Variants in DMD observed in about 807,000 individuals in gnomAD.
DMD encodes the protein mutant dystrophin.
DMD carries 63 observed loss-of-function variants against 330.1 expected under a neutral mutation model. The observed-to-expected ratio is 0.19, with a 90% CI of 0.16 to 0.24. DMD has a LOEUF of 0.24. Among genes scored for constraint, DMD ranks in the 10% least tolerant of loss-of-function variants. DMD has a pLI of 1.00. For missense variants in DMD, 3,344 were observed against 2,684.1 expected (o/e 1.25, Z -5.43); for synonymous variants, 1,223 against 959.8 (o/e 1.27, Z -5.07).
chrX:32,919,662 C>T (rs1198978364), intron 2 of DMD, among the ~76,000 whole-genome samples: 1 of 111,682 alleles, frequency 9.0e-6, no homozygotes, highest in African/African-American at 3.2e-5. Context: ...ATCTACATTC[C>T]AATTCCTATT....
intron 44 of DMD, among the ~76,000 whole-genome samples, chrX:31,999,432 G>A (rs2095610754): frequency 8.9e-6 from 1 of 111,851 alleles, no homozygotes; most frequent in Admixed American, 9.5e-5. Flanking sequence ...TTTAGTTTTA[G>A]CCTTTTGAGT....
At chrX:32,286,800 C>T (rs568456066) in intron 43 of DMD, among the ~76,000 whole-genome samples, 13 of 111,334 alleles carry the variant, frequency 1.2e-4, no homozygotes, top group East Asian at 8.5e-4. Flanking sequence ...AATTATTAGA[C>T]GAATGATTTG....
rs899851642 is a variant in DMD, at chrX:31,478,337, C to T, written c.8706G>A (p.Arg2902=). Residue 2902 remains arginine (R), a synonymous_variant, in exon 59 of 79, where the codon CGG becomes CGA. Coordinates refer to ENST00000357033, the MANE Select transcript of DMD (RefSeq NM_004006.3). ...CCTCCTCAGCCTGCTTTCGTAGAAG[C>T]CGAGTGACATTCTGGGCTCTCTCCT... ...PPEERAQNVT[R]LLRKQAEEVN... The T allele has an allele frequency of 2.1e-5, 26 of 1,209,643 alleles. 1 individual carries two copies. In the Admixed American group the frequency reaches 4.6e-4, roughly 21 times the overall value.
At chrX:31,189,619 C>T (rs1010528084) in intron 67 of DMD, among the ~76,000 whole-genome samples, 1 of 111,665 alleles carries the variant, frequency 9.0e-6, no homozygotes, top group East Asian at 2.8e-4. Context: ...CAATACAGAA[C>T]GATACCTCCT....
rs1381976342 is a variant in DMD at position 31,120,884 on chromosome X, T to TCAATCAAC, written c.*1034_*1035insGTTGATTG. 21 of 105,383 alleles carry TCAATCAAC rather than the reference T, an allele frequency of 2.0e-4. No individual in the cohort carries two copies. Among genetic ancestry groups the TCAATCAAC allele is most frequent in the Admixed American group, 8.8e-4 (9 of 10,213 alleles). 8.7% of individuals were successfully genotyped at this position (105,383 alleles called of 1,213,427 possible). On this transcript the variant is annotated 3_prime_UTR_variant, in exon 79 of 79. Transcript: ENST00000357033. ...CTGAATGTATCAATCAATCAATCAA[T>TCAATCAAC]CAACCAACCAACCGATTACTCACTC... is the stretch of plus-strand genomic sequence containing the variant.
chrX:32,327,450 G>A (rs991442397), intron 41 of DMD, among the ~76,000 whole-genome samples: 4 of 110,790 alleles, frequency 3.6e-5, no homozygotes, highest in African/African-American at 1.3e-4. Context: ...AAGTGCCACT[G>A]TGTGTATAGA....
chrX:32,696,933 T>A (rs1262332274), intron 9 of DMD, among the ~76,000 whole-genome samples: 1 of 111,028 alleles, frequency 9.0e-6, no homozygotes, highest in Non-Finnish European at 1.9e-5. Context: ...ATCGATTAAC[T>A]GCCAAATAAA....
intron 1 of DMD, among the ~76,000 whole-genome samples, chrX:33,180,017 G>C (rs2049904934): frequency 9.1e-6 from 1 of 109,963 alleles, no homozygotes; most frequent in Admixed American, 9.7e-5. Flanking sequence ...TGTATTTTTA[G>C]TAGAGATGGG....
At chrX:31,332,894 C>T (rs944248315) in intron 61 of DMD, among the ~76,000 whole-genome samples, 2 of 111,939 alleles carry the variant, frequency 1.8e-5, no homozygotes, top group Admixed American at 9.5e-5. Context: ...ATCTCATTCA[C>T]GAACTTACTG....
intron 2 of DMD, among the ~76,000 whole-genome samples, chrX:32,936,428 T>C (rs1051009778): frequency 5.4e-5 from 6 of 111,708 alleles, no homozygotes; most frequent in Admixed American, 4.7e-4. Context: ...TATCTCTTAA[T>C]CCCATCATAA....
intron 61 of DMD, among the ~76,000 whole-genome samples, chrX:31,325,965 A>G (rs1334105781): frequency 1.3e-5 from 1 of 77,691 alleles, no homozygotes; most frequent in Non-Finnish European, 2.5e-5. Context: ...TTTTTTTTTT[A>G]TCATTCTAGT....
At chrX:32,485,687 G>T (rs1162958587) in intron 20 of DMD, among the ~76,000 whole-genome samples, 1 of 84,045 alleles carries the variant, frequency 1.2e-5, no homozygotes, top group Non-Finnish European at 2.3e-5. Flanking sequence ...AATCTTCTAT[G>T]TTTTGTATGG....
chrX:32,134,123 CCTT>C (rs751974964), intron 44 of DMD, among the ~76,000 whole-genome samples: 7 of 111,082 alleles, frequency 6.3e-5, no homozygotes, highest in East Asian at 5.7e-4. Flanking sequence ...CTTATTTTAC[CCTT>C]CTTCTTTTTT....
At chrX:31,541,559 A>G (rs1272543877) in intron 55 of DMD, among the ~76,000 whole-genome samples, 2 of 99,381 alleles carry the variant, frequency 2.0e-5, no homozygotes, top group African/African-American at 7.3e-5. Flanking sequence ...TCATTGCTCA[A>G]TTCCCGCCTG....
At chrX:32,614,877 T>G (rs1022499627) in intron 11 of DMD, among the ~76,000 whole-genome samples, 2 of 103,400 alleles carry the variant, frequency 1.9e-5, no homozygotes, top group South Asian at 4.1e-4. Flanking sequence ...TGGACTTGTG[T>G]TTTTTTTTTT....
chrX:31,287,594 T>C (rs990683154), intron 62 of DMD, among the ~76,000 whole-genome samples: 2 of 111,735 alleles, frequency 1.8e-5, no homozygotes, highest in Non-Finnish European at 3.8e-5. Context: ...GAAAGCACAA[T>C]GAGGAGATTC....
At chrX:32,658,702 A>T (rs1486065808) in intron 9 of DMD, among the ~76,000 whole-genome samples, 1 of 110,739 alleles carries the variant, frequency 9.0e-6, no homozygotes, top group Admixed American at 9.7e-5. Context: ...TGCATGTCCA[A>T]GCTAGCCATC....
intron 64 of DMD, among the ~76,000 whole-genome samples, chrX:31,212,166 ATGTGTGTGTGTATG>A (rs1282588823): frequency 1.2e-5 from 1 of 85,128 alleles, no homozygotes; most frequent in East Asian, 5.0e-4. Flanking sequence ...ATATATATAT[ATGTGTGTGTGTATG>A]TGTGTGTGTG....
Position 32,081,150 on chromosome X carries a change from C to T in DMD, c.6439-112636G>A, listed in dbSNP as rs1160870979. On this transcript the variant is annotated intron_variant, in intron 44 of 78. Coordinates refer to ENST00000357033, the MANE Select transcript of DMD (RefSeq NM_004006.3). ...GAGGTGGCGATAGAACATTTCTCAT[C>T]TGCCTTTCTGGTTATGGTGAGACAT... 4.5e-5 allele frequency among the ~76,000 whole-genome samples: 5 copies of T among 112,166 alleles called. No homozygotes were observed. The East Asian group carries it at 1.1e-3, about 25-fold the overall frequency.
Sources: gnomAD v4.1 joint callset for allele counts (sites outside exome capture counted in the v4.1 genomes callset) on GRCh38, gnomAD v4.1.1 for gene constraint, MANE v1.5 for transcripts, NCBI Gene and HGNC (gene_info 2026-07-23, HGNC 2026-07-21) for gene names.